The following SMPD3 variants were observed in gnomAD, a reference collection of about 807,000 sequenced individuals.
SMPD3 encodes the protein nSMase-2.
SMPD3 carries 21 observed loss-of-function variants against 55.7 expected under a neutral mutation model. That is an observed-to-expected ratio of 0.38 (90% CI 0.27 to 0.54). The LOEUF (loss-of-function observed/expected upper bound fraction) is 0.54, where lower values mean the gene tolerates loss of function less well. Among genes scored for constraint, SMPD3 ranks in the 20% least tolerant of loss-of-function variants. The probability of loss-of-function intolerance (pLI) is 0.80; values close to 1 mark genes in which losing one functional copy is unlikely to be tolerated. For missense variants in SMPD3, 842 were observed against 899.6 expected, an observed-to-expected ratio of 0.94 and a Z score of 0.82; for synonymous variants, 457 against 404.3, an observed-to-expected ratio of 1.13 and a Z score of -1.56.
At chr16:68,396,649 G>A (rs1319879961) in intron 1 of SMPD3, among the ~76,000 whole-genome samples, 1 of 101,702 alleles carries the variant, frequency 9.8e-6, no homozygotes, top group Non-Finnish European at 1.9e-5. Flanking sequence ...CAGGAACCTC[G>A]GTGGAATCAA....
At chr16:68,375,752 C>G (rs933239989) in intron 2 of SMPD3, among the ~76,000 whole-genome samples, 2 of 152,222 alleles carry the variant, frequency 1.3e-5, no homozygotes, top group African/African-American at 4.8e-5. Context: ...TTACACTTCT[C>G]CTGGGCTGGC....
At chr16:68,381,464 T>C (rs1293636471) in intron 2 of SMPD3, among the ~76,000 whole-genome samples, 1 of 152,198 alleles carries the variant, frequency 6.6e-6, no homozygotes, top group Non-Finnish European at 1.5e-5. Context: ...CTCTGGCCCC[T>C]GGAGCACCTG....
Position 68,361,234 on chromosome 16 carries a change from A to G in SMPD3, c.1940T>C (p.Met647Thr), listed in dbSNP as rs1021182151. Reference protein sequence around the residue: ...TDHLPVAMRLMVSSGEEEA With the variant: ...TDHLPVAMRLTVSSGEEEA ...TGCCTCCTCCTCCCCCGAAGACACC[A>G]TCAGTCGCATGGCTACTGGCAGGTG... The change falls in exon 9 of 9, where the codon ATG becomes ACG. Residue 647 changes from methionine to threonine, a missense_variant. This residue lies in a region of SMPD3 where 649 missense variants were observed against 643.6 expected (regional missense o/e 1.01). Transcript: ENST00000219334. The G allele has an allele frequency of 6.2e-7, 1 of 1,613,824 alleles. No individual in the cohort carries two copies. The highest frequency in any genetic ancestry group is 1.3e-5 in the African/African-American group (1 of 74,928).
At chr16:68,434,921 G>A (rs974604543) in intron 1 of SMPD3, among the ~76,000 whole-genome samples, 1 of 152,164 alleles carries the variant, frequency 6.6e-6, no homozygotes, top group Admixed American at 6.6e-5. Flanking sequence ...GCTAGCTCCA[G>A]GAAGGGAGTC....
chr16:68,366,101 C>G (rs529632002), intron 3 of SMPD3, among the ~76,000 whole-genome samples: 7 of 152,318 alleles, frequency 4.6e-5, no homozygotes, highest in African/African-American at 1.7e-4. Flanking sequence ...ACCCCAGACC[C>G]AAAAAGCACT....
At chr16:68,392,893 A>T (rs1294031269) in intron 1 of SMPD3, among the ~76,000 whole-genome samples, 2 of 151,674 alleles carry the variant, frequency 1.3e-5, no homozygotes, top group Non-Finnish European at 2.9e-5. Context: ...GAAAAGCCAT[A>T]TGCGGACTTA....
chr16:68,361,343 C>G (rs1311213707), intron 8 of SMPD3, 36 bp from the exon 9 acceptor site: 2 of 1,583,182 alleles, frequency 1.3e-6, no homozygotes, highest in Non-Finnish European at 8.6e-7. Flanking sequence ...ACAGCCTGGT[C>G]AGATTCCAAG....
At chr16:68,394,353 C>G (rs781697043) in intron 1 of SMPD3, among the ~76,000 whole-genome samples, 24 of 152,148 alleles carry the variant, frequency 1.6e-4, no homozygotes, top group Non-Finnish European at 2.5e-4. Context: ...GTATTTGTTT[C>G]TGTTAATGCC....
chr16:68,359,808 C>T lies in SMPD3; in HGVS notation c.*1398G>A, dbSNP rs1270872005. On this transcript the variant is annotated 3_prime_UTR_variant, in exon 9 of 9. Coordinates refer to ENST00000219334, the MANE Select transcript of SMPD3 (RefSeq NM_018667.4). ...CCTTCGCTGCATGACAGGAGCAGCC[C>T]TGGAGTCTCTTAAAGGCAGGTGGGC... 6.6e-6 allele frequency: 1 copy of T among 152,588 alleles called. No homozygotes were observed. Among genetic ancestry groups the T allele is most frequent in the Non-Finnish European group, 1.5e-5 (1 of 68,208 alleles). 9.5% of individuals were successfully genotyped at this position (152,588 alleles called of 1,614,324 possible).
At position 68,431,481 on chromosome 16, in the gene SMPD3, G is replaced by A. The variant is rs567685940; in HGVS notation, c.-269+16872C>T. Among the ~76,000 whole-genome samples the A allele has an allele frequency of 3.9e-5, 6 of 152,328 alleles. No homozygotes were observed. The South Asian group carries it at 1.2e-3, about 32-fold the overall frequency. On this transcript the variant is annotated intron_variant, in intron 1 of 8. Transcript: ENST00000219334. ...TCTTGCTGGCGATTGTATCAGACCT[G>A]GGAGTTTTTCCCACATGGACTCCCA... is the stretch of plus-strand genomic sequence containing the variant.
Position 68,360,625 on chromosome 16 carries a change from G to C in SMPD3, c.*581C>G, listed in dbSNP as rs936836105. The C allele has an allele frequency of 1.9e-5, 3 of 153,992 alleles. No homozygotes were observed. 9.5% of individuals were successfully genotyped at this position (153,992 alleles called of 1,614,324 possible). ...CCCTGGGAAGAGCCCTGGGCTGGCT[G>C]GTAGAGATGCAGCCCTCGGACCCTG... On this transcript the variant is annotated 3_prime_UTR_variant, in exon 9 of 9. Transcript: ENST00000219334.
rs560077085 is a variant in SMPD3 at position 68,447,814 on chromosome 16, G to C, written c.-269+539C>G. ...CAAGGGAGGAGGGGGGAATAGGGAG[G>C]GGGGCGAGTGTGGAGGAAGGGGCCT... On this transcript the variant is annotated intron_variant, in intron 1 of 8. Coordinates refer to ENST00000219334, the MANE Select transcript of SMPD3 (RefSeq NM_018667.4). The surrounding 1 kb of genome is among the most constrained non-coding windows in gnomAD (Gnocchi z 5.1). Among the ~76,000 whole-genome samples the C allele has an allele frequency of 4.6e-5, 7 of 152,184 alleles. No homozygotes were observed. Among genetic ancestry groups the C allele is most frequent in the Admixed American group, 2.6e-4 (4 of 15,300 alleles).
intron 2 of SMPD3, among the ~76,000 whole-genome samples, chr16:68,376,303 C>T (rs1368007061): frequency 2.6e-5 from 4 of 152,184 alleles, no homozygotes; most frequent in African/African-American, 4.8e-5. Flanking sequence ...TGGTGCCTGT[C>T]CCCTTCCTGT....
At chr16:68,444,860 A>C (rs1478569865) in intron 1 of SMPD3, among the ~76,000 whole-genome samples, 1 of 152,262 alleles carries the variant, frequency 6.6e-6, no homozygotes, top group Non-Finnish European at 1.5e-5. Flanking sequence ...CAAGGAAGAG[A>C]TTAAGTCCTA....
intron 1 of SMPD3, among the ~76,000 whole-genome samples, chr16:68,395,488 TA>T (rs2090147687): frequency 6.6e-6 from 1 of 152,258 alleles, no homozygotes; most frequent in South Asian, 2.1e-4. Flanking sequence ...CTCCAGGGTT[TA>T]AAGCGTGCCC....
chr16:68,395,572 C>T (rs1357274041), intron 1 of SMPD3, among the ~76,000 whole-genome samples: 1 of 152,180 alleles, frequency 6.6e-6, no homozygotes, highest in Non-Finnish European at 1.5e-5. Flanking sequence ...GAGCAATGAG[C>T]CTGAGACGGG....
chr16:68,431,470 G>C (rs928354818), intron 1 of SMPD3, among the ~76,000 whole-genome samples: 6 of 152,194 alleles, frequency 3.9e-5, no homozygotes, highest in African/African-American at 1.2e-4. Context: ...GCTGGCGATT[G>C]TATCAGACCT....
intron 1 of SMPD3, among the ~76,000 whole-genome samples, chr16:68,442,613 A>G (rs2090575779): frequency 6.6e-6 from 1 of 152,196 alleles, no homozygotes; most frequent in South Asian, 2.1e-4. Context: ...TTGGCCTAAA[A>G]TCTTAACAAT....
chr16:68,408,515 G>A (rs2090270725), intron 1 of SMPD3, among the ~76,000 whole-genome samples: 1 of 152,210 alleles, frequency 6.6e-6, no homozygotes, highest in Admixed American at 6.5e-5. Flanking sequence ...GAGAAGTAAA[G>A]CCTGGGCAAT....
Sources: gnomAD v4.1 joint callset for allele counts (sites outside exome capture counted in the v4.1 genomes callset) on GRCh38, gnomAD v4.1.1 for gene constraint, gnomAD v4.1.1 regional missense constraint, Gnocchi (gnomAD v3.1) non-coding constraint, MANE v1.5 for transcripts, NCBI Gene and HGNC (gene_info 2026-07-23, HGNC 2026-07-21) for gene names.